GBE1: variants seen among roughly 807,000 people sequenced by gnomAD.
The protein encoded by GBE1 is 1,4-alpha-glucan branching enzyme 1.
Under a neutral mutation model 88.8 loss-of-function variants are expected in GBE1, and 70 were observed. The observed-to-expected ratio is 0.79, with a 90% CI of 0.65 to 0.96. GBE1 has a LOEUF of 0.96. Ranked by LOEUF, GBE1 falls within the 40% of genes least tolerant of loss-of-function variation. GBE1 has a pLI of 0.00. For missense variants in GBE1, 872 were observed against 871.0 expected, an observed-to-expected ratio of 1.00 and a Z score of -0.01; for synonymous variants, 284 against 300.1, an observed-to-expected ratio of 0.95 and a Z score of 0.56.
At chr3:81,533,299 C>G (rs1487784374) in intron 14 of GBE1, among the ~76,000 whole-genome samples, 2 of 151,994 alleles carry the variant, frequency 1.3e-5, no homozygotes, top group Admixed American at 1.3e-4. Context: ...CATTTGTTTC[C>G]CAGAATAGTA....
chr3:81,582,610 T>C (rs1434086001), intron 10 of GBE1, among the ~76,000 whole-genome samples: 1 of 152,084 alleles, frequency 6.6e-6, no homozygotes, highest in African/African-American at 2.4e-5. Flanking sequence ...TAATTTTTGA[T>C]AAAAGGGCAA....
intron 1 of GBE1, among the ~76,000 whole-genome samples, chr3:81,720,362 G>GTATATA (rs568157813): frequency 7.0e-6 from 1 of 143,346 alleles, no homozygotes; most frequent in Non-Finnish European, 1.5e-5. Flanking sequence ...GTGTGTGTGT[G>GTATATA]TATATATATA....
chr3:81,563,191 C>A (rs1206257284), intron 12 of GBE1, among the ~76,000 whole-genome samples: 1 of 152,068 alleles, frequency 6.6e-6, no homozygotes, highest in Admixed American at 6.6e-5. Context: ...CTGATCAATT[C>A]TTTTTGGAAA....
chr3:81,546,247 CACTA>C (rs999330951), intron 12 of GBE1, among the ~76,000 whole-genome samples: 12 of 151,858 alleles, frequency 7.9e-5, no homozygotes, highest in African/African-American at 9.7e-5. Flanking sequence ...CTCACACACA[CACTA>C]ACTCACACAC....
chr3:81,623,375 C>A (rs72904402), intron 7 of GBE1, among the ~76,000 whole-genome samples: 10,180 of 152,194 alleles, frequency 0.067, 574 homozygotes, highest in African/African-American at 0.15. Flanking sequence ...CTTTTCAGAA[C>A]GCTTATCTTG....
At chr3:81,590,669 G>A (rs1206252646) in intron 9 of GBE1, among the ~76,000 whole-genome samples, 1 of 151,978 alleles carries the variant, frequency 6.6e-6, no homozygotes. Flanking sequence ...TATCTTTAAT[G>A]ATTGAGCCAA....
chr3:81,646,596 T>C (rs371772328), intron 5 of GBE1, 114 bp from the exon 6 acceptor site: 1 of 635,402 alleles, frequency 1.6e-6, no homozygotes, highest in Non-Finnish European at 2.7e-6. Flanking sequence ...ATCTAGAAGC[T>C]TTGGTCGTCT....
intron 7 of GBE1, among the ~76,000 whole-genome samples, chr3:81,615,349 T>C (rs907425565): frequency 1.3e-5 from 2 of 152,170 alleles, no homozygotes; most frequent in Admixed American, 6.5e-5. Context: ...AGCCAGGATA[T>C]TGGCATCAAT....
chr3:81,719,915 G>A (rs962003602), intron 1 of GBE1, among the ~76,000 whole-genome samples: 2 of 152,078 alleles, frequency 1.3e-5, no homozygotes, highest in Non-Finnish European at 2.9e-5. Context: ...TATAGCCAGA[G>A]AGCCATGGAT....
At chr3:81,754,514 CAA>C (rs61660989) in intron 1 of GBE1, among the ~76,000 whole-genome samples, 7 of 79,330 alleles carry the variant, frequency 8.8e-5, no homozygotes, top group Non-Finnish European at 1.3e-4. Flanking sequence ...TAAATCTTAG[CAA>C]AAAAAAAAAA....
At chr3:81,494,846 C>A (rs1382403481) in intron 15 of GBE1, among the ~76,000 whole-genome samples, 4 of 152,164 alleles carry the variant, frequency 2.6e-5, no homozygotes, top group African/African-American at 7.2e-5. Context: ...ACTGCTCACA[C>A]AATGCTCTAT....
At chr3:81,500,518 G>A (rs1223015539) in intron 14 of GBE1, among the ~76,000 whole-genome samples, 1 of 152,190 alleles carries the variant, frequency 6.6e-6, no homozygotes, top group African/African-American at 2.4e-5. Flanking sequence ...AGAGAGTAAT[G>A]TTCTAGAATA....
intron 1 of GBE1, among the ~76,000 whole-genome samples, chr3:81,723,576 A>G (rs1402733302): frequency 1.3e-5 from 2 of 152,184 alleles, no homozygotes; most frequent in Non-Finnish European, 2.9e-5. Context: ...TGCACAGAGA[A>G]TCCCAGTGAT....
chr3:81,603,540 C>T (rs936749958), intron 7 of GBE1, among the ~76,000 whole-genome samples: 1 of 151,872 alleles, frequency 6.6e-6, no homozygotes, highest in Admixed American at 6.6e-5. Flanking sequence ...TCTCTGTCAC[C>T]CAGGCTGGAG....
At chr3:81,717,280 G>T (rs1398203795) in intron 1 of GBE1, among the ~76,000 whole-genome samples, 2 of 152,058 alleles carry the variant, frequency 1.3e-5, no homozygotes, top group Non-Finnish European at 2.9e-5. Context: ...TCTCTTTTTG[G>T]AAAAATTACG....
chr3:81,682,938 C>T (rs1559686478), intron 2 of GBE1, among the ~76,000 whole-genome samples: 1 of 152,142 alleles, frequency 6.6e-6, no homozygotes, highest in Non-Finnish European at 1.5e-5. Flanking sequence ...AGTACTAATA[C>T]ACACTACAAC....
chr3:81,672,217 C>T (rs1192704476), intron 2 of GBE1, among the ~76,000 whole-genome samples: 7 of 151,904 alleles, frequency 4.6e-5, no homozygotes, highest in Non-Finnish European at 8.8e-5. Context: ...ATATGTGATG[C>T]GAAATTGAAG....
intron 12 of GBE1, among the ~76,000 whole-genome samples, chr3:81,551,973 T>C (rs570774288): frequency 6.6e-6 from 1 of 152,190 alleles, no homozygotes; most frequent in African/African-American, 2.4e-5. Flanking sequence ...GCTGGGTCCA[T>C]ACCCTCACTC....
intron 3 of GBE1, among the ~76,000 whole-genome samples, chr3:81,664,233 G>A (rs1705077484): frequency 6.6e-6 from 1 of 152,014 alleles, no homozygotes; most frequent in Non-Finnish European, 1.5e-5. Context: ...AACATAATTT[G>A]ACTTAACCTA....
Sources: gnomAD v4.1 joint callset for allele counts (sites outside exome capture counted in the v4.1 genomes callset) on GRCh38, gnomAD v4.1.1 for gene constraint, MANE v1.5 for transcripts, NCBI Gene and HGNC (gene_info 2026-07-23, HGNC 2026-07-21) for gene names.